ZAR1L: variants seen among roughly 807,000 people sequenced by gnomAD.
ZAR1L encodes the protein protein ZAR1-like.
In ZAR1L, 16 loss-of-function variants were observed where a neutral mutation model predicts 30.0. The ratio of observed to expected loss-of-function variants is 0.53; its 90% confidence interval spans 0.36 to 0.81. The LOEUF is 0.81. Among genes scored for constraint, ZAR1L ranks in the 30% least tolerant of loss-of-function variants. The probability of loss-of-function intolerance (pLI) is 0.00; values close to 1 mark genes in which losing one functional copy is unlikely to be tolerated. For missense variants in ZAR1L, 392 were observed against 417.2 expected (o/e 0.94, Z 0.53); for synonymous variants, 197 against 166.8 (o/e 1.18, Z -1.40).
At chr13:32,308,164 AC>A (rs1192969120) in intron 5 of ZAR1L, among the ~76,000 whole-genome samples, 1 of 152,222 alleles carries the variant, frequency 6.6e-6, no homozygotes, top group Non-Finnish European at 1.5e-5. Flanking sequence ...AGGTTAAAAA[AC>A]ATATCAATTA....
chr13:32,312,146 C>A, intron 2 of ZAR1L, 53 bp from the exon 3 acceptor site: 1 of 542,542 alleles, frequency 1.8e-6, no homozygotes, highest in Non-Finnish European at 3.1e-6. Context: ...CACCTGATTC[C>A]TACCTAATTG....
At chr13:32,304,572 C>G (rs2072160514) in intron 5 of ZAR1L, among the ~76,000 whole-genome samples, 1 of 152,180 alleles carries the variant, frequency 6.6e-6, no homozygotes, top group Non-Finnish European at 1.5e-5. Flanking sequence ...GTTGTTAAAA[C>G]TGGGAGAGAA....
chr13:32,311,475 C>A lies in ZAR1L; in HGVS notation c.451G>T (p.Glu151Ter). The A allele has an allele frequency of 6.5e-7, 1 of 1,546,248 alleles. No individual in the cohort carries two copies. Among genetic ancestry groups the A allele is most frequent in the Non-Finnish European group, 8.7e-7 (1 of 1,146,662 alleles). Reference protein sequence around the residue: ...GLIRLRRDGDEAESKALPGPA... With the variant: ...GLIRLRRDGD ...CCCGGGAGCGCCTTGCTCTCCGCTTCGTCCCCATCTCTCCGCAGGCGGATC... is the reference window on the plus strand; with the variant it reads ...CCCGGGAGCGCCTTGCTCTCCGCTTAGTCCCCATCTCTCCGCAGGCGGATC... Residue 151 changes from glutamate (E) to a stop codon, truncating the protein, a stop_gained, in exon 3 of 6, where the codon GAA (glutamate) becomes TAA (stop). Transcript: ENST00000533490. LOFTEE classifies it high-confidence loss of function.
intron 5 of ZAR1L, among the ~76,000 whole-genome samples, chr13:32,305,508 G>C (rs1371658808): frequency 6.6e-6 from 1 of 152,210 alleles, no homozygotes; most frequent in East Asian, 1.9e-4. Context: ...TTACAGGCGT[G>C]AGCCACTGCA....
chr13:32,306,349 C>G (rs1358705359), intron 5 of ZAR1L, among the ~76,000 whole-genome samples: 1 of 151,998 alleles, frequency 6.6e-6, no homozygotes, highest in Non-Finnish European at 1.5e-5. Flanking sequence ...GATAATTTCC[C>G]AAAAGTAATG....
In ZAR1L at chr13:32,311,836, T is replaced by C. The variant is rs1426614326; in HGVS notation, c.90A>G (p.Lys30=). 1.9e-6 allele frequency: 3 copies of C among 1,551,586 alleles called. No individual in the cohort carries two copies. The highest frequency in any genetic ancestry group is 3.9e-5 in the Admixed American group (2 of 50,992). ...CCATATTTTGCCTCCAGTCGGGCTGTTTGTGCCCTGAGAGTCCAGGCTGGC... is the reference window on the plus strand; with the variant it reads ...CCATATTTTGCCTCCAGTCGGGCTGCTTGTGCCCTGAGAGTCCAGGCTGGC... ...PLGQPGLSGH[K]QPDWRQNMGP... Residue 30 remains lysine (K), a synonymous_variant, in exon 3 of 6, where the codon AAA becomes AAG. Coordinates refer to ENST00000533490, the MANE Select transcript of ZAR1L (RefSeq NM_001136571.2).
Position 32,311,792 on chromosome 13 carries a change from G to T in ZAR1L, c.134C>A (p.Ala45Asp). The T allele has an allele frequency of 6.4e-7, 1 of 1,551,674 alleles. No individual in the cohort carries two copies. The highest frequency in any genetic ancestry group is 8.7e-7 in the Non-Finnish European group (1 of 1,147,006). ...CGCGGGCACCAGCAGCCCTGGCCTG[G>T]CCAGAAAAGTGGGAGGACCCATATT... ...RQNMGPPTFL[A>D]RPGLLVPANA... The change falls in exon 3 of 6, where the codon GCC becomes GAC. Residue 45 changes from alanine (A) to aspartate (D), a missense_variant. Ala to Asp is a moderately radical substitution (Grantham distance 126). Coordinates refer to ENST00000533490, the MANE Select transcript of ZAR1L (RefSeq NM_001136571.2).
chr13:32,311,830 G>A lies in ZAR1L; in HGVS notation c.96C>T (p.Pro32=). The A allele has an allele frequency of 6.4e-7, 1 of 1,551,656 alleles. No individual in the cohort carries two copies. The highest frequency in any genetic ancestry group is 8.7e-7 in the Non-Finnish European group (1 of 1,147,004). Residue 32 remains proline (P), a synonymous_variant, in exon 3 of 6, where the codon CCC becomes CCT. Transcript: ENST00000533490. ...GAGGACCCATATTTTGCCTCCAGTC[G>A]GGCTGTTTGTGCCCTGAGAGTCCAG... The part of the protein sequence containing the change: ...GQPGLSGHKQ[P]DWRQNMGPPT...
chr13:32,311,009 G>A (rs986988154), intron 3 of ZAR1L, among the ~76,000 whole-genome samples: 1 of 152,106 alleles, frequency 6.6e-6, no homozygotes, highest in Non-Finnish European at 1.5e-5. Flanking sequence ...CAGACTCGAA[G>A]CCCTTCTTCG....
At chr13:32,306,289 G>C (rs2072174432) in intron 5 of ZAR1L, among the ~76,000 whole-genome samples, 1 of 152,152 alleles carries the variant, frequency 6.6e-6, no homozygotes, top group Non-Finnish European at 1.5e-5. Context: ...ATGAGTAATT[G>C]GAAGAAAGAA....
rs3092989 is a variant in ZAR1L, at chr13:32,315,226, G to A, written c.-390+89C>T. The A allele has an allele frequency of 0.17, 26,389 of 152,490 alleles. 2,432 individuals are homozygous for A. The highest frequency in any genetic ancestry group is 0.2 in the Admixed American group (3,080 of 15,284). 9.4% of individuals were successfully genotyped at this position (152,490 alleles called of 1,614,324 possible). On this transcript the variant is annotated intron_variant, in intron 1 of 5. Coordinates refer to ENST00000533490, the MANE Select transcript of ZAR1L (RefSeq NM_001136571.2). ...AACATGAGCTGGAGCAAAAAGAAAG[G>A]GATGGGGGACTTGGAGTAGGCATAG...
Position 32,311,299 on chromosome 13 carries a change from G to C in ZAR1L, c.627C>G (p.Ser209=), listed in dbSNP as rs762539061. The C allele has an allele frequency of 6.5e-7, 1 of 1,547,678 alleles. No homozygotes were observed. The highest frequency in any genetic ancestry group is 8.7e-7 in the Non-Finnish European group (1 of 1,145,712). The change falls in exon 3 of 6, where the codon TCC becomes TCG. Residue 209 remains serine, a synonymous_variant. Coordinates refer to ENST00000533490, the MANE Select transcript of ZAR1L (RefSeq NM_001136571.2). ...KSKQVPGDAA[S]EPLRRPNFQF... is the part of the protein sequence containing the mutation. ...GGAAGTTGGGCCTCCGGAGCGGCTC[G>C]GAGGCGGCGTCTCCAGGCACCTGCT...
intron 5 of ZAR1L, among the ~76,000 whole-genome samples, chr13:32,307,442 T>A (rs984035189): frequency 8.0e-6 from 1 of 125,784 alleles, no homozygotes; most frequent in Admixed American, 1.1e-4. Context: ...GAGCTTGTAG[T>A]GAACCAAGAT....
Position 32,311,850 on chromosome 13 carries a change from G to A in ZAR1L, c.76C>T (p.Leu26Phe), listed in dbSNP as rs1403349203. Reference protein sequence around the residue: ...GSTVPLGQPGLSGHKQPDWRQ... With the variant: ...GSTVPLGQPGFSGHKQPDWRQ... Reference sequence around the variant, plus strand: ...CAGTCGGGCTGTTTGTGCCCTGAGAGTCCAGGCTGGCCCAAAGGCACTGTG... The same window carrying A: ...CAGTCGGGCTGTTTGTGCCCTGAGAATCCAGGCTGGCCCAAAGGCACTGTG... The change falls in exon 3 of 6, where the codon CTC becomes TTC. Residue 26 changes from leucine (L) to phenylalanine (F), a missense_variant. Coordinates refer to ENST00000533490, the MANE Select transcript of ZAR1L (RefSeq NM_001136571.2). 1 of 1,551,726 alleles carries A rather than the reference G, an allele frequency of 6.4e-7. No individual in the cohort carries two copies. The highest frequency in any genetic ancestry group is 2.0e-5 in the Admixed American group (1 of 51,012).
chr13:32,309,937 T>C (rs1423796393), intron 4 of ZAR1L, among the ~76,000 whole-genome samples: 1 of 152,254 alleles, frequency 6.6e-6, no homozygotes, highest in African/African-American at 2.4e-5. Flanking sequence ...CACAGTCCTT[T>C]GGCCAGTAAG....
rs1438059406 is a variant in ZAR1L, at chr13:32,311,592, G to A, written c.334C>T (p.Leu112Phe). 1.9e-6 allele frequency: 3 copies of A among 1,544,654 alleles called. No individual in the cohort carries two copies. Among genetic ancestry groups the A allele is most frequent in the South Asian group, 2.4e-5 (2 of 83,708 alleles). ...AVQCSLGPRT[L>F]SSCSPWDGRD... ...CCGTCCCAGGGGGAGCAGCTGCTGAGGGTGCGAGGCCCCAGAGAGCACTGC... is the reference window on the plus strand; with the variant it reads ...CCGTCCCAGGGGGAGCAGCTGCTGAAGGTGCGAGGCCCCAGAGAGCACTGC... Residue 112 changes from leucine (L) to phenylalanine (F), a missense_variant, in exon 3 of 6, where the codon CTC becomes TTC. Leu to Phe is a conservative substitution (Grantham distance 22, BLOSUM62 0). Transcript: ENST00000533490.
At chr13:32,310,556 T>C in intron 4 of ZAR1L, 83 bp downstream of exon 4, 3 of 942,602 alleles carry the variant, frequency 3.2e-6, no homozygotes, top group South Asian at 2.9e-5. Context: ...ATGACAGCCA[T>C]GCTCCCTCAG....
rs2072156774 is a variant in ZAR1L at position 32,303,948 on chromosome 13, T to A, written c.897A>T (p.Glu299Asp). ...TCTTGTCTTTGCAGCGACCACACAG[T>A]TCCTGTCGATGAGGCCTCCTTAGAT... ...HIDLRRPHRQ[E>D]LCGRCKDKRF... Residue 299 changes from glutamate to aspartate, a missense_variant, in exon 6 of 6, where the codon GAA becomes GAT. Physicochemically the swap from Glu to Asp is conservative, Grantham distance 45. Coordinates refer to ENST00000533490, the MANE Select transcript of ZAR1L (RefSeq NM_001136571.2). 1 of 1,551,876 alleles carries A rather than the reference T, an allele frequency of 6.4e-7. No individual in the cohort carries two copies. The highest frequency in any genetic ancestry group is 2.0e-5 in the Admixed American group (1 of 50,992).
In ZAR1L at chr13:32,311,525, G is replaced by C. The variant is rs1281431992; in HGVS notation, c.401C>G (p.Ser134Trp). 6.5e-7 allele frequency: 1 copy of C among 1,536,376 alleles called. No homozygotes were observed. The highest frequency in any genetic ancestry group is 2.0e-5 in the Admixed American group (1 of 49,914). Residue 134 changes from serine to tryptophan, a missense_variant, in exon 3 of 6, where the codon TCG becomes TGG. Ser to Trp is a radical substitution (Grantham distance 177). Coordinates refer to ENST00000533490, the MANE Select transcript of ZAR1L (RefSeq NM_001136571.2). Reference sequence around the variant, plus strand: ...CAAGCCCCTGCGGCCGGTGGCGGGCGAAGTGACCCCACAGGCTGGCAGGGG... The same window carrying C: ...CAAGCCCCTGCGGCCGGTGGCGGGCCAAGTGACCCCACAGGCTGGCAGGGG... ...QEPLPACGVTSPATGRRGLIR... is the reference protein window; with the variant it reads ...QEPLPACGVTWPATGRRGLIR...
Sources: allele counts gnomAD v4.1 joint callset (sites outside exome capture counted in the v4.1 genomes callset), GRCh38; gene constraint gnomAD v4.1.1; transcripts MANE v1.5; gene names NCBI Gene and HGNC (gene_info 2026-07-23, HGNC 2026-07-21).